SLCO2A1: variants seen among roughly 807,000 people sequenced by gnomAD.
SLCO2A1 encodes solute carrier organic anion transporter family member 2A1, also known as matrin F/G 1.
In SLCO2A1, 60 loss-of-function variants were observed where a neutral mutation model predicts 71.7. The ratio of observed to expected loss-of-function variants is 0.84; its 90% CI spans 0.68 to 1.04. The LOEUF (loss-of-function observed/expected upper bound fraction) is 1.04, where lower values mean the gene tolerates loss of function less well. SLCO2A1 is among the 50% of genes least tolerant of loss of function. The probability of loss-of-function intolerance (pLI) is 0.00; values close to 1 mark genes in which losing one functional copy is unlikely to be tolerated. For missense variants in SLCO2A1, 745 were observed against 813.4 expected (o/e 0.92, Z 1.02); for synonymous variants, 308 against 326.7 (o/e 0.94, Z 0.62).
chr3:133,983,224 G>A (rs964569508), intron 1 of SLCO2A1, among the ~76,000 whole-genome samples: 22 of 152,236 alleles, frequency 1.4e-4, no homozygotes, highest in Non-Finnish European at 2.8e-4. Flanking sequence ...TTAGTACCCC[G>A]ACATTACATC....
intron 1 of SLCO2A1, among the ~76,000 whole-genome samples, chr3:133,997,568 ACAC>A (rs905585983): frequency 4.6e-5 from 7 of 152,236 alleles, no homozygotes; most frequent in Non-Finnish European, 8.8e-5. Context: ...AAGCCAAGGA[ACAC>A]CACAAGTTTC....
chr3:133,949,830 T>C (rs201993928), intron 6 of SLCO2A1, among the ~76,000 whole-genome samples: 1 of 152,112 alleles, frequency 6.6e-6, no homozygotes, highest in Admixed American at 6.6e-5. Flanking sequence ...TTTTATTTTT[T>C]ATTTTTATTT....
At chr3:133,991,136 CA>C (rs1395981001) in intron 1 of SLCO2A1, among the ~76,000 whole-genome samples, 1 of 151,756 alleles carries the variant, frequency 6.6e-6, no homozygotes, top group Non-Finnish European at 1.5e-5. Context: ...AAAAAACAAG[CA>C]AAAAACAAAA....
chr3:133,942,614 A>G lies in SLCO2A1; in HGVS notation c.1616T>C (p.Met539Thr). The change falls in exon 11 of 14, where the codon ATG (methionine) becomes ACG (threonine). Residue 539 changes from methionine (M) to threonine (T), a missense_variant. Transcript: ENST00000310926. The part of the protein sequence containing the change: ...ACISHNPLYM[M>T]VLRVVNQEEK... Reference sequence around the variant, plus strand: ...GAGGTTTGCCACTCACCGCAGAACCATCATGTAGAGGGGGTTGTGGGAGAT... The same window carrying G: ...GAGGTTTGCCACTCACCGCAGAACCGTCATGTAGAGGGGGTTGTGGGAGAT... 3 of 1,612,546 alleles carry G rather than the reference A, an allele frequency of 1.9e-6. No individual in the cohort carries two copies. Among genetic ancestry groups the G allele is most frequent in the Non-Finnish European group, 2.5e-6 (3 of 1,179,294 alleles).
rs374074622 is a variant in SLCO2A1 at position 134,021,640 on chromosome 3, G to GGAGAGA, written c.96+8061_96+8066dup. 2.7e-3 allele frequency among the ~76,000 whole-genome samples: 404 copies of GGAGAGA among 150,954 alleles called. 6 individuals are homozygous for GGAGAGA. The highest frequency in any genetic ancestry group is 9.5e-3 in the African/African-American group (387 of 40,906). Reference sequence around the variant, plus strand: ...AAGAGACAGACAAAGAGGGAGTCAAGGAGAGAGAGAGAGAAAGAGAAAGGC... The same window carrying GGAGAGA: ...AAGAGACAGACAAAGAGGGAGTCAAGGAGAGAGAGAGAGAGAGAGAAAGAGAAAGGC... On this transcript the variant is annotated intron_variant, in intron 1 of 13. Transcript: ENST00000310926.
chr3:133,981,318 G>A (rs1021779494), intron 1 of SLCO2A1, among the ~76,000 whole-genome samples: 1 of 152,214 alleles, frequency 6.6e-6, no homozygotes, highest in Non-Finnish European at 1.5e-5. Flanking sequence ...GGCATCTGAG[G>A]TCAAATTGCC....
intron 13 of SLCO2A1, 80 bp from the exon 14 acceptor site, chr3:133,934,910 C>T: frequency 9.0e-7 from 1 of 1,109,982 alleles, no homozygotes; most frequent in Non-Finnish European, 1.3e-6. Context: ...CTGGGAAGAA[C>T]CACATCATTC....
rs778044629 is a variant in SLCO2A1 at position 134,029,747 on chromosome 3, C to T, written c.56G>A (p.Arg19Gln). 1 of 1,586,608 alleles carries T rather than the reference C, an allele frequency of 6.3e-7. No individual in the cohort carries two copies. Among genetic ancestry groups the T allele is most frequent in the South Asian group, 1.1e-5 (1 of 88,090 alleles). The change falls in exon 1 of 14, where the codon CGA becomes CAA. Residue 19 changes from arginine (R) to glutamine (Q), a missense_variant. Transcript: ENST00000310926. ...GACCGAGCGGGCACAGCGGCCGGCT[C>T]GGCTAGTAGAGGTGTCGCTGCCCTG... is the stretch of plus-strand genomic sequence containing the variant. Reference protein sequence around the residue: ...ASQGSDTSTSRAGRCARSVFG... With the variant: ...ASQGSDTSTSQAGRCARSVFG...
rs1335013505 is a variant in SLCO2A1, at chr3:133,951,323, C to T, written c.746G>A (p.Gly249Asp). ...CCAGGCTCCAATCCATCGGGGGTCACCCGGGACCAAGTTAACTGCAGCTGA... is the reference window on the plus strand; with the variant it reads ...CCAGGCTCCAATCCATCGGGGGTCATCCGGGACCAAGTTAACTGCAGCTGA... Reference protein sequence around the residue: ...VNTAAVNLVPGDPRWIGAWWL... With the variant: ...VNTAAVNLVPDDPRWIGAWWL... The change falls in exon 6 of 14, where the codon GGT (glycine) becomes GAT (aspartate). Residue 249 changes from glycine (G) to aspartate (D), a missense_variant. Physicochemically the swap from Gly to Asp is moderately conservative, Grantham distance 94 (BLOSUM62 -1). Transcript: ENST00000310926. 6.2e-7 allele frequency: 1 copy of T among 1,614,086 alleles called. No homozygotes were observed. Among genetic ancestry groups the T allele is most frequent in the Middle Eastern group, 1.7e-4 (1 of 6,058 alleles).
intron 3 of SLCO2A1, among the ~76,000 whole-genome samples, chr3:133,962,146 C>G (rs1340321192): frequency 6.6e-6 from 1 of 152,198 alleles, no homozygotes; most frequent in Non-Finnish European, 1.5e-5. Flanking sequence ...ATAGCATGAT[C>G]TTGGCTCACT....
intron 1 of SLCO2A1, among the ~76,000 whole-genome samples, chr3:134,000,807 G>A (rs183801495): frequency 6.6e-6 from 1 of 152,306 alleles, no homozygotes; most frequent in East Asian, 1.9e-4. Flanking sequence ...CAGACTGTAG[G>A]TAAGGTAAAT....
Position 134,029,836 on chromosome 3 carries a change from C to T in SLCO2A1, c.-34G>A. The T allele has an allele frequency of 3.8e-6, 5 of 1,308,112 alleles. No homozygotes were observed. Among genetic ancestry groups the T allele is most frequent in the Non-Finnish European group, 4.9e-6 (5 of 1,019,386 alleles). The allele number at this position is 1,308,112 out of a possible 1,614,324, so 81.0% of individuals were successfully genotyped here. On this transcript the variant is annotated 5_prime_UTR_variant, in exon 1 of 14. Coordinates refer to ENST00000310926, the MANE Select transcript of SLCO2A1 (RefSeq NM_005630.3). ...GCGGCTGGCCGGGCGCGGAGTGGCG[C>T]GGGGTCGGGGCGCCTCGGGCTGGAG...
chr3:133,987,839 C>T (rs898679596), intron 1 of SLCO2A1, among the ~76,000 whole-genome samples: 6 of 152,210 alleles, frequency 3.9e-5, no homozygotes, highest in South Asian at 2.1e-4. Context: ...GACACACAGC[C>T]GGTGACCTCT....
chr3:133,935,752 C>A (rs748824654), intron 13 of SLCO2A1, 22 bp downstream of exon 13: 7 of 1,571,148 alleles, frequency 4.5e-6, no homozygotes, highest in Non-Finnish European at 8.7e-7. Flanking sequence ...CTCTGGGACA[C>A]ACATACATGA....
At chr3:134,006,507 C>T (rs1308524978) in intron 1 of SLCO2A1, among the ~76,000 whole-genome samples, 1 of 152,186 alleles carries the variant, frequency 6.6e-6, no homozygotes, top group South Asian at 2.1e-4. Context: ...TAGCAACCAC[C>T]ATTCTGTTTT....
At position 133,987,143 on chromosome 3, in the gene SLCO2A1, G is replaced by A. The variant is rs112541677; in HGVS notation, c.97-7525C>T. On this transcript the variant is annotated intron_variant, in intron 1 of 13. Coordinates refer to ENST00000310926, the MANE Select transcript of SLCO2A1 (RefSeq NM_005630.3). ...AATAAAATTCAAAGCCCCCCCCCCC[G>A]CCCCCGCCCCGCCACCCCCACCCAT... Among the ~76,000 whole-genome samples the A allele has an allele frequency of 1.8e-4, 14 of 78,060 alleles. 1 individual carries two copies. The highest frequency in any genetic ancestry group is 0.013 in the Middle Eastern group (2 of 158). The allele number at this position is 78,060 out of a possible 152,430, so 51.2% of individuals were successfully genotyped here. A position where few individuals can be genotyped will look rare whatever the true frequency, so the allele number is the denominator to read the frequency against.
At chr3:134,002,992 C>CCCA (rs1463945747) in intron 1 of SLCO2A1, among the ~76,000 whole-genome samples, 2 of 152,208 alleles carry the variant, frequency 1.3e-5, no homozygotes, top group African/African-American at 4.8e-5. Flanking sequence ...GAACTCCACA[C>CCCA]GGAGGGTCTG....
At chr3:133,981,324 T>C (rs763506728) in intron 1 of SLCO2A1, among the ~76,000 whole-genome samples, 10 of 152,136 alleles carry the variant, frequency 6.6e-5, no homozygotes, top group Admixed American at 1.3e-4. Context: ...TGAGGTCAAA[T>C]TGCCTCGTTC....
chr3:133,978,058 G>A (rs565777581), intron 2 of SLCO2A1, among the ~76,000 whole-genome samples: 1 of 152,330 alleles, frequency 6.6e-6, no homozygotes, highest in African/African-American at 2.4e-5. Context: ...GACTTAGACA[G>A]GCTGCAGGAC....
Sources: allele counts gnomAD v4.1 joint callset (sites outside exome capture counted in the v4.1 genomes callset), GRCh38; gene constraint gnomAD v4.1.1; transcripts MANE v1.5; gene names NCBI Gene and HGNC (gene_info 2026-07-23, HGNC 2026-07-21).